Variants in C8orf34 observed in about 807,000 individuals in gnomAD.
C8orf34 encodes the protein chromosome 8 open reading frame 34.
In C8orf34, 65 loss-of-function variants were observed where a neutral mutation model predicts 68.3. That is an observed-to-expected ratio of 0.95 (90% CI 0.78 to 1.17). The LOEUF is 1.17. C8orf34 is among the 50% of genes most tolerant of loss of function. The pLI, the probability that C8orf34 is intolerant of heterozygous loss-of-function variation, is 0.00. For synonymous variants in C8orf34, 244 were observed against 241.2 expected (o/e 1.01, Z -0.11); for missense variants, 664 against 655.4 (o/e 1.01, Z -0.14).
At chr8:68,330,944 C>G (rs1805545722), upstream of C8orf34, 4 of 1,228,750 alleles carry the variant, frequency 3.3e-6, no homozygotes, top group African/African-American at 3.2e-5. Context: ...ACCTCTGCCT[C>G]GAATTTCCCC....
intron 1 of C8orf34, among the ~76,000 whole-genome samples, chr8:68,391,105 C>A (rs1013432853): frequency 2.0e-5 from 3 of 152,104 alleles, no homozygotes; most frequent in African/African-American, 7.2e-5. Context: ...GCCAAATTGA[C>A]ACATAAAACT....
intron 1 of C8orf34, among the ~76,000 whole-genome samples, chr8:68,382,752 C>G (rs999516336): frequency 2.6e-5 from 4 of 152,164 alleles, no homozygotes; most frequent in African/African-American, 7.2e-5. Context: ...AGGACTCAGT[C>G]CTAGATCTCC....
chr8:68,405,399 C>T (rs1353098177), intron 1 of C8orf34, among the ~76,000 whole-genome samples: 1 of 152,164 alleles, frequency 6.6e-6, no homozygotes, highest in African/African-American at 2.4e-5. Context: ...CCAGCCAGAT[C>T]TCCCTAGGAT....
At chr8:68,772,413 G>T (rs115272645) in intron 10 of C8orf34, among the ~76,000 whole-genome samples, 1 of 152,148 alleles carries the variant, frequency 6.6e-6, no homozygotes, top group Non-Finnish European at 1.5e-5. Flanking sequence ...CACTCTCTAC[G>T]ATTTTCCATC....
At chr8:68,603,874 A>G (rs960944719) in intron 7 of C8orf34, among the ~76,000 whole-genome samples, 6 of 152,134 alleles carry the variant, frequency 3.9e-5, no homozygotes, top group African/African-American at 1.4e-4. Context: ...TATAACCTCA[A>G]TAAAAGAAGT....
chr8:68,770,542 G>T (rs2129528350), intron 10 of C8orf34, among the ~76,000 whole-genome samples: 2 of 152,242 alleles, frequency 1.3e-5, no homozygotes, highest in Admixed American at 1.3e-4. Flanking sequence ...CATTCTTACA[G>T]TTACATTCTC....
intron 12 of C8orf34, among the ~76,000 whole-genome samples, chr8:68,797,414 A>T (rs192779406): frequency 2.0e-4 from 31 of 152,128 alleles, no homozygotes; most frequent in African/African-American, 7.0e-4. Context: ...TTCACTCATG[A>T]CTTCCCCTCT....
intron 12 of C8orf34, among the ~76,000 whole-genome samples, chr8:68,804,018 A>G (rs1824410613): frequency 6.6e-6 from 1 of 152,174 alleles, no homozygotes; most frequent in Admixed American, 6.5e-5. Context: ...CTGTCAACTG[A>G]CAATTTTTAA....
chr8:68,784,806 G>GTGTGTGTGCA (rs1823797682), intron 11 of C8orf34, among the ~76,000 whole-genome samples: 1 of 149,164 alleles, frequency 6.7e-6, no homozygotes, highest in African/African-American at 2.5e-5. Flanking sequence ...GTGTGTATGT[G>GTGTGTGTGCA]TGTGTGTGTG....
At chr8:68,660,015 C>T (rs1442359644) in intron 8 of C8orf34, among the ~76,000 whole-genome samples, 1 of 152,110 alleles carries the variant, frequency 6.6e-6, no homozygotes, top group Non-Finnish European at 1.5e-5. Flanking sequence ...AACATAATAA[C>T]CTTCCCCCAA....
chr8:68,443,566 CT>C (rs879611291), intron 2 of C8orf34, among the ~76,000 whole-genome samples: 512 of 143,382 alleles, frequency 3.6e-3, no homozygotes, highest in African/African-American at 4.2e-3. Flanking sequence ...GCCGAGCTAA[CT>C]TTTTTTTTTT....
At chr8:68,547,251 A>G (rs964756196) in intron 7 of C8orf34, among the ~76,000 whole-genome samples, 10 of 151,814 alleles carry the variant, frequency 6.6e-5, no homozygotes, top group African/African-American at 2.4e-4. Flanking sequence ...ACTATTACAA[A>G]CAAATGTATG....
intron 7 of C8orf34, chr8:68,535,616 T>C (rs952254601): frequency 2.0e-4 from 134 of 676,006 alleles, no homozygotes; most frequent in Non-Finnish European, 2.3e-4. Context: ...CTGATTAATA[T>C]TTAATTATTC....
chr8:68,629,320 G>A (rs1469953046), intron 7 of C8orf34, among the ~76,000 whole-genome samples: 2 of 152,090 alleles, frequency 1.3e-5, no homozygotes, highest in Non-Finnish European at 2.9e-5. Context: ...ATCTCTTCCT[G>A]TATTCCCTAA....
In C8orf34 at chr8:68,586,646, T is replaced by A. The variant is rs373631631; in HGVS notation, c.1105+53497T>A. Among the ~76,000 whole-genome samples, 622 of 152,258 alleles carry A rather than the reference T, an allele frequency of 4.1e-3. 5 individuals carry two copies. The highest frequency in any genetic ancestry group is 0.014 in the African/African-American group (593 of 41,554). On this transcript the variant is annotated intron_variant, in intron 7 of 13. Transcript: ENST00000518698. ...ACATTCTTTCCCTGAAATGTGACTA[T>A]AAGATACAGGGATAAATTGAGAGCA...
intron 1 of C8orf34, among the ~76,000 whole-genome samples, chr8:68,423,301 C>A (rs1810064938): frequency 6.6e-6 from 1 of 152,140 alleles, no homozygotes; most frequent in Non-Finnish European, 1.5e-5. Context: ...CCTAAATCAT[C>A]TCTCTCAAGT....
intron 5 of C8orf34, among the ~76,000 whole-genome samples, chr8:68,511,275 C>T (rs781184853): frequency 3.9e-5 from 6 of 152,120 alleles, no homozygotes; most frequent in Admixed American, 1.3e-4. Context: ...GAGAGCACAC[C>T]TGAACAAGGG....
At chr8:68,649,127 A>G (rs1819267635) in intron 8 of C8orf34, among the ~76,000 whole-genome samples, 1 of 152,194 alleles carries the variant, frequency 6.6e-6, no homozygotes, top group Non-Finnish European at 1.5e-5. Flanking sequence ...AAAAAGGATT[A>G]CTATCACTTG....
intron 7 of C8orf34, among the ~76,000 whole-genome samples, chr8:68,603,011 A>T (rs904388980): frequency 6.6e-6 from 1 of 152,146 alleles, no homozygotes; most frequent in Admixed American, 6.5e-5. Context: ...CAGCATGTAT[A>T]GCAGGCAATA....
Sources: gnomAD v4.1 joint callset for allele counts (sites outside exome capture counted in the v4.1 genomes callset) on GRCh38, gnomAD v4.1.1 for gene constraint, MANE v1.5 for transcripts, NCBI Gene and HGNC (gene_info 2026-07-23, HGNC 2026-07-21) for gene names.